RNF168: variants seen among roughly 807,000 people sequenced by gnomAD.
The protein encoded by RNF168 is ring finger protein 168, also known as E3 ubiquitin-protein ligase RNF168.
In RNF168, 34 loss-of-function variants were observed where a neutral mutation model predicts 34.9. The observed-to-expected ratio is 0.97, with a 90% CI of 0.74 to 1.30. The LOEUF is 1.30. RNF168 is among the 50% of genes most tolerant of loss of function. The pLI, the probability that RNF168 is intolerant of heterozygous loss-of-function variation, is 0.00. For missense variants in RNF168, 725 were observed against 682.5 expected (o/e 1.06, Z -0.69); for synonymous variants, 264 against 254.7 (o/e 1.04, Z -0.35).
At position 196,495,176 on chromosome 3, in the gene RNF168, CGT is replaced by C. The variant is rs34914417; in HGVS notation, c.302-6495_302-6494del. On this transcript the variant is annotated intron_variant, in intron 1 of 5. Coordinates refer to ENST00000318037, the MANE Select transcript of RNF168 (RefSeq NM_152617.4). ...GTTTTTAAACTGCCACATTGCCTTT[CGT>C]GTGTGTGTGTGTGTATTTTCTGAAC... Among the ~76,000 whole-genome samples, 128 of 150,010 alleles carry C rather than the reference CGT, an allele frequency of 8.5e-4. 1 individual carries two copies. The highest frequency in any genetic ancestry group is 2.4e-3 in the African/African-American group (96 of 40,120).
Position 196,487,566 on chromosome 3 carries a change from G to A in RNF168, c.391C>T (p.Arg131Ter), listed in dbSNP as rs201915239. ...TTTTCTTCTTCCTCGCTGGCCCGTC[G>A]CTCTGCCGCCACCTTAAAAGTGATT... ...EEEISKVAAE[R>*]RASEEEENKA... The change falls in exon 3 of 6, where the codon CGA (arginine) becomes TGA (stop). Residue 131 changes from arginine to a stop codon, truncating the protein, a stop_gained. Transcript: ENST00000318037. LOFTEE classifies it high-confidence loss of function. The A allele has an allele frequency of 9.3e-6, 15 of 1,613,784 alleles. No homozygotes were observed. Among genetic ancestry groups the A allele is most frequent in the Admixed American group, 1.7e-5 (1 of 59,970 alleles).
At chr3:196,496,040 GTAT>G (rs1401873708) in intron 1 of RNF168, among the ~76,000 whole-genome samples, 2 of 151,966 alleles carry the variant, frequency 1.3e-5, no homozygotes, top group African/African-American at 4.8e-5. Flanking sequence ...TTCACTTTAT[GTAT>G]TATGTGTTAA....
chr3:196,471,900 C>T lies in RNF168; in HGVS notation c.1635G>A (p.Lys545=). The change falls in exon 6 of 6, where the codon AAG becomes AAA. Residue 545 remains lysine (K), a synonymous_variant. Coordinates refer to ENST00000318037, the MANE Select transcript of RNF168 (RefSeq NM_152617.4). The part of the protein sequence containing the change: ...KMPNSTRDHC[K]VSKSAHSLQP... ...GTAGGGAGTGAGCACTTTTGGATAC[C>T]TTACAGTGATCTCTAGTAGAATTTG... The T allele has an allele frequency of 6.2e-7, 1 of 1,614,026 alleles. No homozygotes were observed. The highest frequency in any genetic ancestry group is 8.5e-7 in the Non-Finnish European group (1 of 1,179,940).
chr3:196,496,252 G>A (rs1732740320), intron 1 of RNF168, among the ~76,000 whole-genome samples: 4 of 152,130 alleles, frequency 2.6e-5, no homozygotes, highest in Admixed American at 2.6e-4. Flanking sequence ...TCACAGTTCT[G>A]GCTAAAAGTC....
In RNF168 at chr3:196,469,444, T is replaced by C. The variant is rs1276373675; in HGVS notation, c.*2375A>G. Reference sequence around the variant, plus strand: ...ATCAGGTATGCAAAGATTAACAAAATTCTATTACCAACCTTAGAGGAAAAA... The same window carrying C: ...ATCAGGTATGCAAAGATTAACAAAACTCTATTACCAACCTTAGAGGAAAAA... On this transcript the variant is annotated 3_prime_UTR_variant, in exon 6 of 6. Coordinates refer to ENST00000318037, the MANE Select transcript of RNF168 (RefSeq NM_152617.4). The C allele has an allele frequency of 2.6e-5, 4 of 152,114 alleles. No homozygotes were observed. Among genetic ancestry groups the C allele is most frequent in the East Asian group, 1.9e-4 (1 of 5,196 alleles). The allele number at this position is 152,114 out of a possible 1,614,324, so 9.4% of individuals were successfully genotyped here.
intron 1 of RNF168, among the ~76,000 whole-genome samples, chr3:196,491,645 CACAA>C (rs1304369133): frequency 2.6e-5 from 4 of 152,234 alleles, no homozygotes; most frequent in East Asian, 1.9e-4. Flanking sequence ...GGCTCCGTCT[CACAA>C]ACAAACAAAA....
At chr3:196,473,850 C>T (rs1577507915) in intron 5 of RNF168, among the ~76,000 whole-genome samples, 1 of 152,106 alleles carries the variant, frequency 6.6e-6, no homozygotes, top group Admixed American at 6.6e-5. Context: ...AAAAAAAATA[C>T]CTAGTGTTTG....
intron 1 of RNF168, among the ~76,000 whole-genome samples, chr3:196,500,954 G>A (rs1036125386): frequency 2.6e-5 from 4 of 151,972 alleles, no homozygotes; most frequent in African/African-American, 9.7e-5. Flanking sequence ...CTCGTGATCC[G>A]CCCGCCTCGG....
intron 1 of RNF168, among the ~76,000 whole-genome samples, chr3:196,488,920 C>T (rs1331320509): frequency 2.0e-5 from 3 of 152,092 alleles, no homozygotes; most frequent in African/African-American, 4.8e-5. Context: ...GGCACAGTCT[C>T]GGCTCACTGC....
intron 1 of RNF168, among the ~76,000 whole-genome samples, chr3:196,498,121 C>T (rs962571526): frequency 1.3e-5 from 2 of 152,272 alleles, no homozygotes; most frequent in South Asian, 4.1e-4. Flanking sequence ...GGTGGGATTA[C>T]AAAATGACAC....
rs1732046688 is a variant in RNF168, at chr3:196,472,854, A to C, written c.763-82T>G. On this transcript the variant is annotated intron_variant, in intron 5 of 5. Transcript: ENST00000318037. Reference sequence around the variant, plus strand: ...GTAAGTCTAATTACACTGATACTACAGCTGGACTGTCACTATACATTATTA... The same window carrying C: ...GTAAGTCTAATTACACTGATACTACCGCTGGACTGTCACTATACATTATTA... 6 of 790,532 alleles carry C rather than the reference A, an allele frequency of 7.6e-6. No homozygotes were observed. The Admixed American group carries it at 1.1e-4, about 14-fold the overall frequency. 49.0% of individuals were successfully genotyped at this position (790,532 alleles called of 1,614,324 possible).
At chr3:196,496,329 C>T (rs1229076896) in intron 1 of RNF168, among the ~76,000 whole-genome samples, 1 of 151,466 alleles carries the variant, frequency 6.6e-6, no homozygotes, top group Non-Finnish European at 1.5e-5. Context: ...CTTGCCTCTT[C>T]CTTGCTTCTG....
rs180869444 is a variant in RNF168 at position 196,495,731 on chromosome 3, A to T, written c.302-7048T>A. Among the ~76,000 whole-genome samples, 15 of 152,298 alleles carry T rather than the reference A, an allele frequency of 9.8e-5. No individual in the cohort carries two copies. In the East Asian group the frequency reaches 2.7e-3, roughly 27 times the overall value. ...AAGCAATCTGTAAGATGATATTTTCAGACTATATGAGTCCTCCGTTCTCCG... is the reference window on the plus strand; with the variant it reads ...AAGCAATCTGTAAGATGATATTTTCTGACTATATGAGTCCTCCGTTCTCCG... On this transcript the variant is annotated intron_variant, in intron 1 of 5. Coordinates refer to ENST00000318037, the MANE Select transcript of RNF168 (RefSeq NM_152617.4).
chr3:196,497,139 C>CT (rs1732761831), intron 1 of RNF168, among the ~76,000 whole-genome samples: 1 of 151,818 alleles, frequency 6.6e-6, no homozygotes, highest in African/African-American at 2.4e-5. Context: ...GAGCAAGACT[C>CT]TGTCTCAAAA....
At chr3:196,491,144 C>CT in intron 1 of RNF168, among the ~76,000 whole-genome samples, 1 of 151,888 alleles carries the variant, frequency 6.6e-6, no homozygotes, top group South Asian at 2.1e-4. Context: ...GAAACCCCGT[C>CT]TATACTAAGA....
At position 196,502,613 on chromosome 3, in the gene RNF168, A is replaced by G. The variant is rs554416940; in HGVS notation, c.301+260T>C. 4.0e-5 allele frequency among the ~76,000 whole-genome samples: 6 copies of G among 151,544 alleles called. No individual in the cohort carries two copies. In the East Asian group the frequency reaches 9.7e-4, roughly 25 times the overall value. On this transcript the variant is annotated intron_variant, in intron 1 of 5. Transcript: ENST00000318037. ...AAAAAAAAAAAAAAGAAGGCTCCAG[A>G]CGGGCAATTCTTTAATTTTTAACAC... is the stretch of plus-strand genomic sequence containing the variant.
intron 1 of RNF168, among the ~76,000 whole-genome samples, chr3:196,490,354 T>G (rs1732564034): frequency 6.6e-6 from 1 of 152,190 alleles, no homozygotes; most frequent in Admixed American, 6.5e-5. Context: ...CGCATCTGTC[T>G]GTTTCAAGGG....
In RNF168 at chr3:196,479,264, C is replaced by T. The variant is rs951428897; in HGVS notation, c.681-3952G>A. Among the ~76,000 whole-genome samples the T allele has an allele frequency of 3.9e-4, 59 of 151,276 alleles. 1 individual carries two copies. The highest frequency in any genetic ancestry group is 3.9e-4 in the East Asian group (2 of 5,144). ...CTGACCTCAGGTGATCCACCCGCCTCGGCCTCCCAAAGTGCTGGGATTACA... is the reference window on the plus strand; with the variant it reads ...CTGACCTCAGGTGATCCACCCGCCTTGGCCTCCCAAAGTGCTGGGATTACA... On this transcript the variant is annotated intron_variant, in intron 4 of 5. Coordinates refer to ENST00000318037, the MANE Select transcript of RNF168 (RefSeq NM_152617.4).
intron 5 of RNF168, 21 bp downstream of exon 5, chr3:196,475,210 A>C (rs764388866): frequency 1.0e-5 from 14 of 1,381,892 alleles, no homozygotes; most frequent in Non-Finnish European, 1.4e-5. Flanking sequence ...AAAACTCAGA[A>C]CATCTTCAGT....
Sources: allele counts gnomAD v4.1 joint callset (sites outside exome capture counted in the v4.1 genomes callset), GRCh38; gene constraint gnomAD v4.1.1; transcripts MANE v1.5; gene names NCBI Gene and HGNC (gene_info 2026-07-23, HGNC 2026-07-21).